The following BUD23 variants were observed in gnomAD, a reference collection of about 807,000 sequenced individuals.
The protein encoded by BUD23 is BUD23 rRNA methyltransferase and ribosome maturation factor, also known as 18S rRNA (guanine-N(7))-methyltransferase.
BUD23 carries 34 observed loss-of-function variants against 47.0 expected under a neutral mutation model. That is an observed-to-expected ratio of 0.72 (90% CI 0.55 to 0.96). The LOEUF (loss-of-function observed/expected upper bound fraction) is 0.96. BUD23 is among the 40% of genes least tolerant of loss of function. BUD23 has a pLI of 0.00. For missense variants in BUD23, 343 were observed against 361.2 expected, an observed-to-expected ratio of 0.95 and a Z score of 0.41; for synonymous variants, 124 against 132.0, an observed-to-expected ratio of 0.94 and a Z score of 0.41.
intron 7 of BUD23, 177 bp downstream of exon 7, chr7:73,692,823 G>A (rs974752431): frequency 2.6e-5 from 16 of 606,774 alleles, no homozygotes; most frequent in East Asian, 8.5e-5. Flanking sequence ...TGGCATCTGC[G>A]GAGGTGGGGT....
At chr7:73,687,213 C>G in intron 5 of BUD23, 118 bp downstream of exon 5, 1 of 1,056,502 alleles carries the variant, frequency 9.5e-7, no homozygotes, top group South Asian at 1.5e-5. Context: ...CTCCTGGGTT[C>G]AGGTGATCTG....
At chr7:73,691,758 C>T (rs1475516074) in intron 6 of BUD23, among the ~76,000 whole-genome samples, 1 of 151,936 alleles carries the variant, frequency 6.6e-6, no homozygotes, top group African/African-American at 2.4e-5. Flanking sequence ...CACCACCATG[C>T]CAGGCTAATT....
intron 5 of BUD23, 79 bp from the exon 6 acceptor site, chr7:73,690,837 G>A: frequency 8.8e-7 from 1 of 1,137,248 alleles, no homozygotes; most frequent in Admixed American, 1.8e-5. Flanking sequence ...AGCCAGGACG[G>A]ATGATGTCAA....
Position 73,686,982 on chromosome 7 carries a change from C to T in BUD23, c.266-17C>T, listed in dbSNP as rs1563552264. 6.2e-7 allele frequency: 1 copy of T among 1,614,104 alleles called. No individual in the cohort carries two copies. Among genetic ancestry groups the T allele is most frequent in the Non-Finnish European group, 8.5e-7 (1 of 1,179,976 alleles). On this transcript the variant is annotated splice_polypyrimidine_tract_variant and intron_variant, in intron 4 of 11. Coordinates refer to ENST00000265758, the MANE Select transcript of BUD23 (RefSeq NM_017528.5). ...ACAGGTATTTCTCTTTCTCTGACTGCCTTTTCTCTAATGTAGATGAGGCTG... is the reference window on the plus strand; with the variant it reads ...ACAGGTATTTCTCTTTCTCTGACTGTCTTTTCTCTAATGTAGATGAGGCTG...
chr7:73,683,865 T>C, intron 2 of BUD23, 61 bp downstream of exon 2: 1 of 1,613,834 alleles, frequency 6.2e-7, no homozygotes, highest in South Asian at 1.1e-5. Context: ...GTTGCCCCTG[T>C]TGCTGGCGTT....
chr7:73,686,170 G>C (rs1316687524), intron 2 of BUD23, among the ~76,000 whole-genome samples: 1 of 152,086 alleles, frequency 6.6e-6, no homozygotes, highest in Non-Finnish European at 1.5e-5. Context: ...TGGCTATTGG[G>C]AAGCCATGCG....
chr7:73,695,665 C>G (rs1471553062), intron 10 of BUD23: 1 of 152,414 alleles, frequency 6.6e-6, no homozygotes, highest in Admixed American at 6.5e-5. Flanking sequence ...CGTGCTGACC[C>G]TCCCTGCTTC....
intron 6 of BUD23, among the ~76,000 whole-genome samples, chr7:73,691,938 T>C (rs1554614089): frequency 6.6e-6 from 1 of 152,086 alleles, no homozygotes; most frequent in South Asian, 2.1e-4. Context: ...ATCTGAGTGG[T>C]TTTTGCCTCC....
rs782192673 is a variant in BUD23 at position 73,683,635 on chromosome 7, C to A, written c.10C>A (p.Arg4Ser). 4 of 1,610,876 alleles carry A rather than the reference C, an allele frequency of 2.5e-6. No individual in the cohort carries two copies. Among genetic ancestry groups the A allele is most frequent in the South Asian group, 1.1e-5 (1 of 90,928 alleles). Residue 4 changes from arginine to serine, a missense_variant, in exon 1 of 12, where the codon CGC becomes AGC. By Grantham distance (110) the Arg-to-Ser change is moderately radical (BLOSUM62 -1). Transcript: ENST00000265758. ...CTGCTGAGGCGTGAGAATGGCGTCC[C>A]GCGGCCGGCGTCCGGAGCATGGCGG... The part of the protein sequence containing the change: MAS[R>S]GRRPEHGGPP...
intron 10 of BUD23, chr7:73,697,237 C>G: frequency 1.7e-6 from 1 of 571,802 alleles, no homozygotes; most frequent in Non-Finnish European, 3.1e-6. Context: ...CTGCTGTGAA[C>G]TGTCGACTGT....
intron 10 of BUD23, chr7:73,696,708 GTTT>G (rs1269601692): frequency 6.6e-6 from 1 of 152,178 alleles, no homozygotes; most frequent in African/African-American, 2.4e-5. Context: ...TTAAGAAAAA[GTTT>G]TTTAAGTCTT....
In BUD23 at chr7:73,686,740, C is replaced by G. The variant is rs781886224; in HGVS notation, c.182+9C>G. 5 of 1,614,128 alleles carry G rather than the reference C, an allele frequency of 3.1e-6. No homozygotes were observed. In the South Asian group the frequency reaches 5.5e-5, roughly 18 times the overall value. The stretch of plus-strand genomic sequence containing the variant: ...TACCTGCTGGATATTGGGTGAGATT[C>G]TGGGGCCTGGTTCAGATTGTCTAAG... On this transcript the variant is annotated intron_variant, in intron 3 of 11. Transcript: ENST00000265758.
chr7:73,687,965 G>A (rs1188228828), intron 5 of BUD23, among the ~76,000 whole-genome samples: 5 of 150,156 alleles, frequency 3.3e-5, no homozygotes, highest in Non-Finnish European at 5.9e-5. Flanking sequence ...GCGGGATCTC[G>A]GCTCACTGCA....
rs879991709 is a variant in BUD23 at position 73,697,996 on chromosome 7, T to TA, written c.*119dup. 1,226 of 1,358,092 alleles carry TA rather than the reference T, an allele frequency of 9.0e-4. No homozygotes were observed. The highest frequency in any genetic ancestry group is 1.4e-3 in the Middle Eastern group (5 of 3,680). 84.1% of individuals were successfully genotyped at this position (1,358,092 alleles called of 1,614,324 possible). The stretch of plus-strand genomic sequence containing the variant: ...AAAGTTATAAAAATGTTTTCTGCAG[T>TA]AAAAAAAAAGTTCTCTGGGCCGGGC... On this transcript the variant is annotated 3_prime_UTR_variant, in exon 12 of 12. Coordinates refer to ENST00000265758, the MANE Select transcript of BUD23 (RefSeq NM_017528.5).
intron 5 of BUD23, among the ~76,000 whole-genome samples, chr7:73,690,366 T>G (rs1407574255): frequency 6.6e-6 from 1 of 151,800 alleles, no homozygotes; most frequent in African/African-American, 2.4e-5. Flanking sequence ...AAGGGAGTGA[T>G]TTAGGAGGAA....
At chr7:73,690,637 A>T (rs1798153933) in intron 5 of BUD23, among the ~76,000 whole-genome samples, 1 of 152,122 alleles carries the variant, frequency 6.6e-6, no homozygotes, top group Admixed American at 6.6e-5. Context: ...TTAAATTTTT[A>T]AATTTAAAAA....
At chr7:73,691,123 A>G in intron 6 of BUD23, 111 bp downstream of exon 6, 1 of 912,568 alleles carries the variant, frequency 1.1e-6, no homozygotes, top group South Asian at 1.4e-5. Context: ...CTCATATGGG[A>G]CCGCATGGGG....
At chr7:73,691,208 T>C (rs1170785527) in intron 6 of BUD23, among the ~76,000 whole-genome samples, 196 bp downstream of exon 6, 32 of 152,208 alleles carry the variant, frequency 2.1e-4, no homozygotes, top group Admixed American at 3.3e-4. Flanking sequence ...TGGACTGATA[T>C]ACTCTAATCA....
intron 2 of BUD23, among the ~76,000 whole-genome samples, chr7:73,686,313 C>G (rs1240694219): frequency 6.6e-6 from 1 of 152,156 alleles, no homozygotes; most frequent in Non-Finnish European, 1.5e-5. Context: ...GCAGCCCAGC[C>G]TAATAGAGTT....
Sources: allele counts gnomAD v4.1 joint callset (sites outside exome capture counted in the v4.1 genomes callset), GRCh38; gene constraint gnomAD v4.1.1; transcripts MANE v1.5; gene names NCBI Gene and HGNC (gene_info 2026-07-23, HGNC 2026-07-21).